Variants in ITPK1 observed in about 807,000 individuals in gnomAD.
ITPK1 encodes inositol-tetrakisphosphate 1-kinase.
In ITPK1, 21 loss-of-function variants were observed where a neutral mutation model predicts 45.3. That is an observed-to-expected ratio of 0.46 (90% confidence interval 0.33 to 0.67). ITPK1 has a LOEUF of 0.67. ITPK1 is among the 30% of genes least tolerant of loss of function. ITPK1 has a pLI of 0.02. For missense variants in ITPK1, 474 were observed against 573.5 expected, an observed-to-expected ratio of 0.83 and a Z score of 1.77; for synonymous variants, 258 against 253.6, an observed-to-expected ratio of 1.02 and a Z score of -0.16.
chr14:92,998,347 G>A (rs1887166323), intron 4 of ITPK1, among the ~76,000 whole-genome samples: 1 of 152,194 alleles, frequency 6.6e-6, no homozygotes, highest in Non-Finnish European at 1.5e-5. Flanking sequence ...CCCATGGAAG[G>A]GGGCTGTGGT....
chr14:92,944,585 C>G (rs1260470740), intron 10 of ITPK1, among the ~76,000 whole-genome samples: 1 of 152,204 alleles, frequency 6.6e-6, no homozygotes, highest in African/African-American at 2.4e-5. Context: ...TCTCCTCCCT[C>G]CTTCCAGAAC....
At chr14:92,943,100 A>T (rs1204311346) in intron 10 of ITPK1, among the ~76,000 whole-genome samples, 1 of 152,270 alleles carries the variant, frequency 6.6e-6, no homozygotes, top group Non-Finnish European at 1.5e-5. Flanking sequence ...GTGGAAATAA[A>T]GATGGCTATT....
chr14:93,024,536 A>C (rs537171228), intron 3 of ITPK1, among the ~76,000 whole-genome samples: 6 of 152,334 alleles, frequency 3.9e-5, no homozygotes, highest in African/African-American at 1.4e-4. Flanking sequence ...TTTCTTCCTC[A>C]CATGAGGCTG....
intron 3 of ITPK1, among the ~76,000 whole-genome samples, chr14:93,020,921 T>C (rs1397961339): frequency 2.0e-5 from 3 of 152,090 alleles, no homozygotes; most frequent in Non-Finnish European, 2.9e-5. Context: ...ATTCTCACAA[T>C]AGTCTGAGAC....
At chr14:93,099,996 C>T (rs536763027) in intron 2 of ITPK1, among the ~76,000 whole-genome samples, 1 of 152,306 alleles carries the variant, frequency 6.6e-6, no homozygotes, top group Non-Finnish European at 1.5e-5. Flanking sequence ...CACTGAAGCC[C>T]AGAAACAGGG....
chr14:93,007,369 C>T (rs1422022952), intron 4 of ITPK1, among the ~76,000 whole-genome samples: 1 of 147,212 alleles, frequency 6.8e-6, no homozygotes, highest in African/African-American at 2.5e-5. Flanking sequence ...GGCCCACAGT[C>T]GCCCGGCCGA....
Position 93,093,285 on chromosome 14 carries a change from G to A in ITPK1, c.96-16666C>T, listed in dbSNP as rs376348928. ...TCCAAGGGCAGAGATGGGGTGTGCAGGCTGCCCTGTGGAGCCCAGCTCTCT... is the reference window on the plus strand; with the variant it reads ...TCCAAGGGCAGAGATGGGGTGTGCAAGCTGCCCTGTGGAGCCCAGCTCTCT... On this transcript the variant is annotated intron_variant, in intron 2 of 10. Transcript: ENST00000267615. 2.0e-5 allele frequency among the ~76,000 whole-genome samples: 3 copies of A among 152,226 alleles called. No individual in the cohort carries two copies. In the East Asian group the frequency reaches 5.8e-4, roughly 29 times the overall value.
At chr14:92,946,880 A>T (rs1000981284) in intron 9 of ITPK1, among the ~76,000 whole-genome samples, 7 of 152,250 alleles carry the variant, frequency 4.6e-5, no homozygotes, top group Admixed American at 3.3e-4. Context: ...ACAGGGAGGA[A>T]GGAGATGGAG....
intron 3 of ITPK1, among the ~76,000 whole-genome samples, chr14:93,019,644 A>G (rs1027880474): frequency 7.9e-5 from 12 of 152,128 alleles, no homozygotes; most frequent in Non-Finnish European, 1.3e-4. Context: ...CTGACATGCC[A>G]CAACTGCCCT....
At chr14:92,943,682 G>A (rs986811042) in intron 10 of ITPK1, among the ~76,000 whole-genome samples, 54 of 152,226 alleles carry the variant, frequency 3.5e-4, no homozygotes, top group African/African-American at 1.1e-3. Context: ...GTGCAGAGAC[G>A]GCTGCCTCCA....
At chr14:93,079,856 G>A (rs1031583412) in intron 2 of ITPK1, among the ~76,000 whole-genome samples, 1 of 152,208 alleles carries the variant, frequency 6.6e-6, no homozygotes, top group Non-Finnish European at 1.5e-5. Context: ...CAGAGCATTG[G>A]TTGTCAAGTG....
intron 2 of ITPK1, among the ~76,000 whole-genome samples, chr14:93,106,718 T>C (rs901466095): frequency 6.6e-6 from 1 of 152,188 alleles, no homozygotes; most frequent in African/African-American, 2.4e-5. Context: ...CTTCACCTCC[T>C]GCAGGTGTAC....
intron 2 of ITPK1, among the ~76,000 whole-genome samples, chr14:93,095,548 A>T (rs1434838864): frequency 1.3e-5 from 2 of 151,822 alleles, no homozygotes; most frequent in Admixed American, 6.6e-5. Flanking sequence ...AAGCTTTTAA[A>T]AGGGTCACCT....
chr14:93,032,869 C>T lies in ITPK1; in HGVS notation c.121-16068G>A, dbSNP rs550975475. Among the ~76,000 whole-genome samples, 86 of 152,340 alleles carry T rather than the reference C, an allele frequency of 5.6e-4. No individual in the cohort carries two copies. Among genetic ancestry groups the T allele is most frequent in the African/African-American group, 2.0e-3 (85 of 41,574 alleles). On this transcript the variant is annotated intron_variant, in intron 3 of 10. Coordinates refer to ENST00000267615, the MANE Select transcript of ITPK1 (RefSeq NM_014216.6). This position sits in a 1 kb window ranked among gnomAD's most constrained non-coding sequence, Gnocchi z 4.0. The stretch of plus-strand genomic sequence containing the variant: ...GGGAATCGGGTGACAAAGGCCAGCA[C>T]GGATCGGATCGTGCACCCTGCAAAG...
chr14:92,957,526 T>G (rs1370910886), intron 8 of ITPK1, among the ~76,000 whole-genome samples: 3 of 151,942 alleles, frequency 2.0e-5, no homozygotes, highest in Non-Finnish European at 4.4e-5. Context: ...CGCAGTGGGG[T>G]CCACAGGCTG....
intron 2 of ITPK1, among the ~76,000 whole-genome samples, chr14:93,086,601 C>G (rs1464656242): frequency 6.6e-6 from 1 of 152,106 alleles, no homozygotes; most frequent in Non-Finnish European, 1.5e-5. Context: ...GGGCTACATG[C>G]CATGCCCTCT....
At chr14:92,989,645 G>A (rs1199488545) in intron 5 of ITPK1, among the ~76,000 whole-genome samples, 2 of 152,154 alleles carry the variant, frequency 1.3e-5, no homozygotes, top group Non-Finnish European at 2.9e-5. Flanking sequence ...GAAAGAGCCT[G>A]CAAATTCAAT....
chr14:93,115,239 G>A lies in ITPK1; in HGVS notation c.-76C>T. On this transcript the variant is annotated 5_prime_UTR_variant, in exon 2 of 11. Coordinates refer to ENST00000267615, the MANE Select transcript of ITPK1 (RefSeq NM_014216.6). ...GAGTCTGGCGGCCGGCGCGCGCCGC[G>A]AGCGAGTGGGCACCTCCTCCCGGCG... is the stretch of plus-strand genomic sequence containing the variant. The A allele has an allele frequency of 2.0e-6, 2 of 989,846 alleles. No individual in the cohort carries two copies. Among genetic ancestry groups the A allele is most frequent in the Non-Finnish European group, 3.1e-6 (2 of 650,330 alleles). The allele number at this position is 989,846 out of a possible 1,614,324, so 61.3% of individuals were successfully genotyped here.
At chr14:92,994,642 C>T (rs1026917073) in intron 4 of ITPK1, among the ~76,000 whole-genome samples, 1 of 152,142 alleles carries the variant, frequency 6.6e-6, no homozygotes. Context: ...GGGCAGAACC[C>T]CACGCCACCC....
Sources: gnomAD v4.1 joint callset for allele counts (sites outside exome capture counted in the v4.1 genomes callset) on GRCh38, gnomAD v4.1.1 for gene constraint, Gnocchi (gnomAD v3.1) non-coding constraint, MANE v1.5 for transcripts, NCBI Gene and HGNC (gene_info 2026-07-23, HGNC 2026-07-21) for gene names.